Variants in NT5C3A observed in about 807,000 individuals in gnomAD.
NT5C3A encodes cytosolic 5'-nucleotidase 3A.
Under a neutral mutation model 40.0 loss-of-function variants are expected in NT5C3A, and 23 were observed. That is an observed-to-expected ratio of 0.58 (90% CI 0.41 to 0.81). The LOEUF (loss-of-function observed/expected upper bound fraction) is 0.81. Among genes scored for constraint, NT5C3A ranks in the 40% least tolerant of loss-of-function variants. The pLI is 0.00. For synonymous variants in NT5C3A, 130 were observed against 141.4 expected (o/e 0.92, Z 0.57); for missense variants, 328 against 403.0 (o/e 0.81, Z 1.59).
At chr7:33,034,821 A>G (rs1786492256) in intron 1 of NT5C3A, among the ~76,000 whole-genome samples, 1 of 152,226 alleles carries the variant, frequency 6.6e-6, no homozygotes, top group Non-Finnish European at 1.5e-5. Context: ...GAAAAAATAA[A>G]TGGAACAGAA....
In NT5C3A at chr7:33,035,193, T is replaced by TG. The variant is rs1434501356; in HGVS notation, c.139-8279_139-8278insC. Among the ~76,000 whole-genome samples the TG allele has an allele frequency of 3.4e-5, 5 of 144,964 alleles. No individual in the cohort carries two copies. The East Asian group carries it at 8.1e-4, about 23-fold the overall frequency. ...ATAGAAGCTAATAAGGAATGAGTTT[T>TG]TTTTTTTTTTTTTTTTTTGAGACGG... is the stretch of plus-strand genomic sequence containing the variant. On this transcript the variant is annotated intron_variant, in intron 1 of 8. Transcript: ENST00000610140.
chr7:33,058,903 T>A (rs1036387282), intron 1 of NT5C3A, among the ~76,000 whole-genome samples: 7 of 152,224 alleles, frequency 4.6e-5, no homozygotes, highest in African/African-American at 1.7e-4. Context: ...TGTCTTCACA[T>A]CATTGTTTTA....
intron 2 of NT5C3A, among the ~76,000 whole-genome samples, chr7:33,024,490 A>T (rs1477874508): frequency 6.6e-6 from 1 of 152,214 alleles, no homozygotes; most frequent in Non-Finnish European, 1.5e-5. Context: ...CTCATATGTG[A>T]AAACTTAAAA....
chr7:33,045,173 T>C lies in NT5C3A; in HGVS notation c.138+17395A>G, dbSNP rs61638672. Among the ~76,000 whole-genome samples the C allele has an allele frequency of 6.4e-3, 977 of 152,342 alleles. 4 individuals carry two copies. The highest frequency in any genetic ancestry group is 0.022 in the African/African-American group (926 of 41,570). ...CAATTTAGTAGAAGATGAGATGCAA[T>C]AGTCTCTATACTGACTCTTGCAAAA... On this transcript the variant is annotated intron_variant, in intron 1 of 8. Transcript: ENST00000610140.
intron 1 of NT5C3A, among the ~76,000 whole-genome samples, chr7:33,031,500 T>C (rs1419246703): frequency 6.6e-6 from 1 of 151,772 alleles, no homozygotes; most frequent in Admixed American, 6.6e-5. Flanking sequence ...GGTGGGAGGA[T>C]TGCCTGAGCC....
intron 4 of NT5C3A, among the ~76,000 whole-genome samples, chr7:33,021,674 T>C (rs926838631): frequency 6.6e-6 from 1 of 152,198 alleles, no homozygotes; most frequent in African/African-American, 2.4e-5. Flanking sequence ...TGTTAAGATA[T>C]ACACAGACAC....
chr7:33,028,383 C>A (rs1786065099), intron 1 of NT5C3A, among the ~76,000 whole-genome samples: 1 of 152,148 alleles, frequency 6.6e-6, no homozygotes, highest in Non-Finnish European at 1.5e-5. Flanking sequence ...TAGAATGAAA[C>A]TGATTAGAGG....
chr7:33,016,437 C>G (rs1406202136), intron 7 of NT5C3A, among the ~76,000 whole-genome samples: 2 of 151,108 alleles, frequency 1.3e-5, no homozygotes, highest in African/African-American at 2.4e-5. Flanking sequence ...TTTGGGAGGC[C>G]AAGATGGGCA....
chr7:33,048,681 G>A (rs1301915411), intron 1 of NT5C3A, among the ~76,000 whole-genome samples: 1 of 152,062 alleles, frequency 6.6e-6, no homozygotes, highest in Non-Finnish European at 1.5e-5. Flanking sequence ...AAGACCCCCG[G>A]GTCACTTTAA....
At chr7:33,035,929 CCCA>C in intron 1 of NT5C3A, 3 of 1,609,722 alleles carry the variant, frequency 1.9e-6, no homozygotes, top group Non-Finnish European at 2.6e-6. Flanking sequence ...TAGGCAAATA[CCCA>C]CCATTTTCAC....
chr7:33,058,921 C>T (rs1787671650), intron 1 of NT5C3A, among the ~76,000 whole-genome samples: 1 of 152,220 alleles, frequency 6.6e-6, no homozygotes, highest in Non-Finnish European at 1.5e-5. Flanking sequence ...TTACCAACGG[C>T]GGCTCAACCC....
intron 2 of NT5C3A, among the ~76,000 whole-genome samples, 166 bp from the exon 3 acceptor site, chr7:33,024,274 C>T (rs1000654849): frequency 2.0e-5 from 3 of 152,182 alleles, no homozygotes; most frequent in East Asian, 1.9e-4. Context: ...TTTTCTCATG[C>T]GGTTCCTTTA....
chr7:33,060,624 C>A (rs1405581647), intron 1 of NT5C3A, among the ~76,000 whole-genome samples: 1 of 152,148 alleles, frequency 6.6e-6, no homozygotes, highest in African/African-American at 2.4e-5. Flanking sequence ...GTTTTCTTAG[C>A]CAGTTAGATA....
intron 1 of NT5C3A, among the ~76,000 whole-genome samples, chr7:33,057,545 G>T (rs1787617830): frequency 6.6e-6 from 1 of 151,954 alleles, no homozygotes; most frequent in Non-Finnish European, 1.5e-5. Context: ...AATAAAAAAA[G>T]AAGTTTATGT....
chr7:33,059,804 C>T (rs1434220389), intron 1 of NT5C3A, among the ~76,000 whole-genome samples: 1 of 152,206 alleles, frequency 6.6e-6, no homozygotes, highest in Non-Finnish European at 1.5e-5. Flanking sequence ...CTCCTGATCC[C>T]TTATTTCCAT....
chr7:33,035,443 T>G (rs532499249), intron 1 of NT5C3A, among the ~76,000 whole-genome samples: 1 of 152,210 alleles, frequency 6.6e-6, no homozygotes, highest in South Asian at 2.1e-4. Context: ...TCCGCCCGCC[T>G]CGGCCTCCCA....
intron 1 of NT5C3A, among the ~76,000 whole-genome samples, chr7:33,054,962 T>C (rs1787513461): frequency 6.6e-6 from 1 of 152,194 alleles, no homozygotes; most frequent in Non-Finnish European, 1.5e-5. Flanking sequence ...GAGGTGGCTA[T>C]GTGTTGAGAG....
chr7:33,015,597 CTATGGCAACAA>C (rs1785276917), intron 8 of NT5C3A, 62 bp downstream of exon 8: 7 of 960,242 alleles, frequency 7.3e-6, no homozygotes, highest in Non-Finnish European at 1.2e-5. Flanking sequence ...TCTCAGGTGA[CTATGGCAACAA>C]TTGCCTATCA....
chr7:33,053,166 A>G (rs1370983839), intron 1 of NT5C3A, among the ~76,000 whole-genome samples: 1 of 152,194 alleles, frequency 6.6e-6, no homozygotes, highest in Non-Finnish European at 1.5e-5. Flanking sequence ...CCTGGGCAAC[A>G]TAACAAGACA....
Sources: allele counts gnomAD v4.1 joint callset (sites outside exome capture counted in the v4.1 genomes callset), GRCh38; gene constraint gnomAD v4.1.1; transcripts MANE v1.5; gene names NCBI Gene and HGNC (gene_info 2026-07-23, HGNC 2026-07-21).